Variants in ZNF606 observed in about 807,000 individuals in gnomAD.
ZNF606 encodes zinc finger protein 606.
ZNF606 carries 37 observed loss-of-function variants against 74.9 expected under a neutral mutation model. That is an observed-to-expected ratio of 0.49 (90% confidence interval 0.38 to 0.65). The LOEUF is 0.65. Among genes scored for constraint, ZNF606 ranks in the 30% least tolerant of loss-of-function variants. The pLI, the probability that ZNF606 is intolerant of heterozygous loss-of-function variation, is 0.00. For missense variants in ZNF606, 852 were observed against 952.9 expected (o/e 0.89, Z 1.39); for synonymous variants, 328 against 312.4 (o/e 1.05, Z -0.53).
Position 58,000,735 on chromosome 19 carries a change from G to C in ZNF606, c.36C>G (p.Ala12=). 1 of 1,591,694 alleles carries C rather than the reference G, an allele frequency of 6.3e-7. No homozygotes were observed. The highest frequency in any genetic ancestry group is 1.2e-5 in the South Asian group (1 of 86,844). ...AAINPWASWG[A]LTDQSWGMTA... ...TCATCCCCCAAGATTGGTCCGTAAG[G>C]GCACCTGCACAGAAGGATCAGGTTA... Residue 12 remains alanine (A), a synonymous_variant, in exon 3 of 7, where the codon GCC becomes GCG. Transcript: ENST00000551380.
In ZNF606 at chr19:57,999,823, T is replaced by A. The variant is rs1297472160; in HGVS notation, c.162A>T (p.Pro54=). ...CCCATCTCACCTGAACCTGGGCTGC[T>A]GGGAGCCCAGTGGCCCTCCTCCCCT... ...LEEGRRATGL[P]AAQVQEPVTF... is the part of the protein sequence containing the mutation. The change falls in exon 4 of 7, where the codon CCA becomes CCT. Residue 54 remains proline, a synonymous_variant. Transcript: ENST00000551380. 3 of 1,614,062 alleles carry A rather than the reference T, an allele frequency of 1.9e-6. No individual in the cohort carries two copies. The East Asian group carries it at 6.7e-5, about 36-fold the overall frequency.
intron 4 of ZNF606, among the ~76,000 whole-genome samples, chr19:57,995,259 G>A (rs987538878): frequency 6.7e-6 from 1 of 149,334 alleles, no homozygotes; most frequent in Admixed American, 6.7e-5. Flanking sequence ...GGTATGCCTA[G>A]ATAAAAACTA....
At chr19:57,988,782 T>G in intron 4 of ZNF606, 61 bp from the exon 5 acceptor site, 1 of 1,610,442 alleles carries the variant, frequency 6.2e-7, no homozygotes, top group Non-Finnish European at 8.5e-7. Flanking sequence ...TTTCCAGGGA[T>G]GGAGTGAGGC....
At chr19:58,000,988 T>C (rs1474832823) in intron 2 of ZNF606, among the ~76,000 whole-genome samples, 1 of 152,088 alleles carries the variant, frequency 6.6e-6, no homozygotes, top group African/African-American at 2.4e-5. Context: ...TAAAAATATA[T>C]ATGAGAGCAG....
chr19:58,001,030 T>C (rs1251132564), intron 2 of ZNF606: 1 of 554,404 alleles, frequency 1.8e-6, no homozygotes. Context: ...TGTATCACTG[T>C]TGTTTAGGAA....
rs2073420188 is a variant in ZNF606 at position 58,001,088 on chromosome 19, A to G, written c.31+201T>C. ...TCCCTTAAAACTAATGACACCTCTC[A>G]GGAGATGACTATAAAACATAAAAGT... On this transcript the variant is annotated intron_variant, in intron 2 of 6. Transcript: ENST00000551380. The G allele has an allele frequency of 7.9e-6, 5 of 633,214 alleles. No homozygotes were observed. The East Asian group carries it at 1.4e-4, about 18-fold the overall frequency. 39.2% of individuals were successfully genotyped at this position (633,214 alleles called of 1,614,324 possible).
upstream of ZNF606, chr19:58,003,107 G>C (rs9304809): frequency 4.9e-6 from 2 of 410,720 alleles, no homozygotes; most frequent in South Asian, 3.4e-5. Flanking sequence ...TCGTGGTACC[G>C]GGTTTCCCGG....
In ZNF606 at chr19:57,979,806, T is replaced by C. The variant is rs1405009031; in HGVS notation, c.874A>G (p.Thr292Ala). 10 of 1,613,436 alleles carry C rather than the reference T, an allele frequency of 6.2e-6. No homozygotes were observed. Among genetic ancestry groups the C allele is most frequent in the Non-Finnish European group, 8.5e-6 (10 of 1,180,008 alleles). Residue 292 changes from threonine to alanine, a missense_variant, in exon 7 of 7, where the codon ACT becomes GCT. Thr to Ala is a moderately conservative substitution (Grantham distance 58, BLOSUM62 0). Around this residue, in one of 3 missense-constraint regions of ZNF606, gnomAD observed 545 missense variants for 542.5 expected, o/e 1.00. Transcript: ENST00000551380. ...IQTGDNLFKCTDAVKSFNHII... is the reference protein window; with the variant it reads ...IQTGDNLFKCADAVKSFNHII... ...TGATTGAAAGATTTAACAGCATCAGTACATTTGAAAAGATTATCTCCAGTT... is the reference window on the plus strand; with the variant it reads ...TGATTGAAAGATTTAACAGCATCAGCACATTTGAAAAGATTATCTCCAGTT...
chr19:57,980,395 G>T, intron 6 of ZNF606, 116 bp from the exon 7 acceptor site: 2 of 1,074,412 alleles, frequency 1.9e-6, no homozygotes, highest in Non-Finnish European at 2.6e-6. Flanking sequence ...TTGTTTTCAA[G>T]TCCAGGCTTA....
In ZNF606 at chr19:57,988,208, T is replaced by C; in HGVS notation, c.399A>G (p.Pro133=). Residue 133 remains proline (P), a splice_region_variant and synonymous_variant, in exon 6 of 7, where the codon CCA becomes CCG. Transcript: ENST00000551380. ...VEQACPQRTC[P]EWVRNLESKA... is the part of the protein sequence containing the mutation. ...GTTCAGCCTGGGGTCTGCCCTCACC[T>C]GGACAAGTGCGTTGAGGACATGCCT... 1.2e-6 allele frequency: 2 copies of C among 1,613,222 alleles called. No homozygotes were observed. The highest frequency in any genetic ancestry group is 1.7e-5 in the Admixed American group (1 of 59,888).
Position 57,984,061 on chromosome 19 carries a change from G to A in ZNF606, c.401-3782C>T, listed in dbSNP as rs535222407. On this transcript the variant is annotated intron_variant, in intron 6 of 6. Transcript: ENST00000551380. ...GCTGGAATTTTACGAGAAAGGGGCC[G>A]GACTGTGAGAGTGATGATGGAAGCT... Among the ~76,000 whole-genome samples the A allele has an allele frequency of 2.6e-5, 4 of 152,230 alleles. No individual in the cohort carries two copies. In the South Asian group the frequency reaches 6.2e-4, roughly 24 times the overall value.
Position 57,981,580 on chromosome 19 carries a change from T to TA in ZNF606, c.401-1302dup, listed in dbSNP as rs147506493. Among the ~76,000 whole-genome samples, 756 of 152,312 alleles carry TA rather than the reference T, an allele frequency of 5.0e-3. 5 individuals are homozygous for TA. The highest frequency in any genetic ancestry group is 0.017 in the African/African-American group (710 of 41,576). ...GTGTTATAATGTCCTTCTACTCCCA[T>TA]ATCTTGACAAGTGCAGAAAAAAGGA... On this transcript the variant is annotated intron_variant, in intron 6 of 6. Coordinates refer to ENST00000551380, the MANE Select transcript of ZNF606 (RefSeq NM_001348022.3).
At chr19:57,981,714 T>A (rs2123272110) in intron 6 of ZNF606, among the ~76,000 whole-genome samples, 1 of 152,264 alleles carries the variant, frequency 6.6e-6, no homozygotes, top group South Asian at 2.1e-4. Context: ...TCACACAAGA[T>A]CCACCAACCC....
chr19:58,002,005 C>T (rs2073438589), intron 1 of ZNF606: 2 of 366,458 alleles, frequency 5.5e-6, no homozygotes, highest in Non-Finnish European at 5.4e-6. Flanking sequence ...GGTTCCAGAT[C>T]TTTGTACAAG....
At chr19:57,983,300 C>T (rs1351776156) in intron 6 of ZNF606, among the ~76,000 whole-genome samples, 1 of 152,082 alleles carries the variant, frequency 6.6e-6, no homozygotes, top group Non-Finnish European at 1.5e-5. Context: ...TGAGGTCGGG[C>T]ATGGTAGCTC....
At chr19:57,987,582 C>G (rs1013698501) in intron 6 of ZNF606, among the ~76,000 whole-genome samples, 1 of 152,108 alleles carries the variant, frequency 6.6e-6, no homozygotes, top group Non-Finnish European at 1.5e-5. Flanking sequence ...AATCCCAGCA[C>G]TTTGGGAGCC....
chr19:57,997,274 A>C (rs1388881122), intron 4 of ZNF606: 1 of 152,246 alleles, frequency 6.6e-6, no homozygotes, highest in Non-Finnish European at 1.5e-5. Flanking sequence ...TATTATCATT[A>C]CAATTATTAT....
In ZNF606 at chr19:57,979,883, T is replaced by C. The variant is rs760546721; in HGVS notation, c.797A>G (p.Tyr266Cys). The change falls in exon 7 of 7, where the codon TAT (tyrosine) becomes TGT (cysteine). Residue 266 changes from tyrosine (Y) to cysteine (C), a missense_variant. Transcript: ENST00000551380. ...ADKVTCENND[Y>C]DKTVYQSIQP... is the part of the protein sequence containing the mutation. ...AATGGACTGATAAACAGTTTTGTCA[T>C]AATCATTATTTTCACAGGTAACCTT... is the stretch of plus-strand genomic sequence containing the variant. 13 of 1,613,878 alleles carry C rather than the reference T, an allele frequency of 8.1e-6. No homozygotes were observed. The highest frequency in any genetic ancestry group is 1.0e-5 in the Non-Finnish European group (12 of 1,180,014).
intron 6 of ZNF606, among the ~76,000 whole-genome samples, chr19:57,982,030 G>C (rs1382691416): frequency 2.0e-5 from 3 of 152,182 alleles, no homozygotes; most frequent in African/African-American, 2.4e-5. Flanking sequence ...GGCTATATTA[G>C]TTTCTTTCTG....
Sources: allele counts gnomAD v4.1 joint callset (sites outside exome capture counted in the v4.1 genomes callset), GRCh38; gene constraint gnomAD v4.1.1; regional missense constraint gnomAD v4.1.1; transcripts MANE v1.5; gene names NCBI Gene and HGNC (gene_info 2026-07-23, HGNC 2026-07-21).